Variants in TRIM9 observed in about 807,000 individuals in gnomAD.
The protein encoded by TRIM9 is E3 ubiquitin-protein ligase TRIM9.
A neutral mutation model predicts 78.3 loss-of-function variants in TRIM9; 26 were observed. The ratio of observed to expected loss-of-function variants is 0.33; its 90% CI spans 0.24 to 0.46. TRIM9 has a LOEUF of 0.46. Among genes scored for constraint, TRIM9 ranks in the 20% least tolerant of loss-of-function variants. TRIM9 has a pLI of 1.00. For synonymous variants in TRIM9, 398 were observed against 416.5 expected (o/e 0.96, Z 0.54); for missense variants, 787 against 1,036.4 (o/e 0.76, Z 3.30).
intron 1 of TRIM9, among the ~76,000 whole-genome samples, chr14:51,080,705 G>A (rs1274999505): frequency 6.6e-6 from 1 of 152,080 alleles, no homozygotes; most frequent in Non-Finnish European, 1.5e-5. Context: ...TTGACACCTG[G>A]AAGTGACTTT....
At chr14:51,093,656 G>T (rs2064637953) in intron 1 of TRIM9, among the ~76,000 whole-genome samples, 1 of 152,226 alleles carries the variant, frequency 6.6e-6, no homozygotes, top group Non-Finnish European at 1.5e-5. Context: ...CGCCTATCCA[G>T]CAGCGACAGA....
intron 8 of TRIM9, among the ~76,000 whole-genome samples, chr14:50,983,668 A>T (rs556728225): frequency 1.2e-4 from 19 of 152,336 alleles, no homozygotes; most frequent in South Asian, 2.1e-4. Context: ...TCTGTAGCTG[A>T]ATTTTTCATC....
In TRIM9 at chr14:51,094,713, C is replaced by T; in HGVS notation, c.227G>A (p.Ser76Asn). The T allele has an allele frequency of 6.4e-7, 1 of 1,557,522 alleles. No homozygotes were observed. Among genetic ancestry groups the T allele is most frequent in the Non-Finnish European group, 8.7e-7 (1 of 1,151,400 alleles). Residue 76 changes from serine (S) to asparagine (N), a missense_variant, in exon 1 of 13, where the codon AGC (serine) becomes AAC (asparagine). Ser to Asn is a conservative substitution (Grantham distance 46, BLOSUM62 1). Around this residue, in one of 3 missense-constraint regions of TRIM9, gnomAD observed 352 missense variants for 472.3 expected, o/e 0.75. Transcript: ENST00000684578. ...DKMSLYSEADSGYGSYGGFAS... is the reference protein window; with the variant it reads ...DKMSLYSEADNGYGSYGGFAS... Reference sequence around the variant, plus strand: ...GAACCCCCCGTAGGAGCCATAGCCGCTGTCCGCCTCGCTGTATAGGCTCAT... The same window carrying T: ...GAACCCCCCGTAGGAGCCATAGCCGTTGTCCGCCTCGCTGTATAGGCTCAT...
At chr14:50,999,238 G>A (rs1399756901) in intron 6 of TRIM9, among the ~76,000 whole-genome samples, 7 of 152,058 alleles carry the variant, frequency 4.6e-5, no homozygotes, top group East Asian at 3.9e-4. Context: ...TGGGAAAACC[G>A]GGAGAGTTAC....
At chr14:51,042,712 G>A (rs1168022715) in intron 1 of TRIM9, among the ~76,000 whole-genome samples, 1 of 152,064 alleles carries the variant, frequency 6.6e-6, no homozygotes, top group African/African-American at 2.4e-5. Context: ...TCCCTCTAAG[G>A]TCATGGAGGC....
At chr14:51,027,369 C>T (rs1596211441) in intron 1 of TRIM9, among the ~76,000 whole-genome samples, 11 of 152,068 alleles carry the variant, frequency 7.2e-5, no homozygotes, top group Admixed American at 5.9e-4. Context: ...GTCTCAAACT[C>T]CTGACCTCAG....
rs375724132 is a variant in TRIM9 at position 51,094,826 on chromosome 14, C to T, written c.114G>A (p.Leu38=). 154 of 1,534,936 alleles carry T rather than the reference C, an allele frequency of 1.0e-4. No homozygotes were observed. The highest frequency in any genetic ancestry group is 1.3e-4 in the Non-Finnish European group (147 of 1,146,138). ...NLCQACARNI[L]VQTPESESPQ... ...GGGATTCAGACTCTGGGGTCTGCAC[C>T]AGGATGTTGCGGGCGCACGCCTGAC... is the stretch of plus-strand genomic sequence containing the variant. Residue 38 remains leucine, a synonymous_variant, in exon 1 of 13, where the codon CTG becomes CTA. Coordinates refer to ENST00000684578, the MANE Select transcript of TRIM9 (RefSeq NM_001387360.1).
chr14:50,989,404 T>C (rs1005167600), intron 7 of TRIM9, among the ~76,000 whole-genome samples: 32 of 152,158 alleles, frequency 2.1e-4, no homozygotes, highest in African/African-American at 6.3e-4. Flanking sequence ...TATCACAATA[T>C]GGAGAAGGCT....
chr14:51,053,595 A>AT (rs59227932), intron 1 of TRIM9, among the ~76,000 whole-genome samples: 1,080 of 82,184 alleles, frequency 0.013, 3 homozygotes, highest in South Asian at 0.029. Context: ...TTTTTTTTTA[A>AT]TTTTTTTTTT....
At chr14:51,044,502 C>T (rs2059798476) in intron 1 of TRIM9, among the ~76,000 whole-genome samples, 1 of 152,238 alleles carries the variant, frequency 6.6e-6, no homozygotes, top group Non-Finnish European at 1.5e-5. Context: ...GGTGTTGGTG[C>T]CATTTTGCCC....
chr14:51,044,349 T>C (rs954998654), intron 1 of TRIM9, among the ~76,000 whole-genome samples: 3 of 152,176 alleles, frequency 2.0e-5, no homozygotes, highest in African/African-American at 7.2e-5. Context: ...AACCCATCCC[T>C]ATATTATTCC....
chr14:51,043,829 G>A (rs887246081), intron 1 of TRIM9, among the ~76,000 whole-genome samples: 2 of 144,682 alleles, frequency 1.4e-5, no homozygotes, highest in East Asian at 1.9e-4. Context: ...GTCCTGTTTG[G>A]TTTAACATTT....
chr14:51,070,450 T>C (rs1421918556), intron 1 of TRIM9, among the ~76,000 whole-genome samples: 1 of 152,098 alleles, frequency 6.6e-6, no homozygotes, highest in Non-Finnish European at 1.5e-5. Context: ...GGTGACTTAA[T>C]AGAACATAAC....
At chr14:50,989,850 A>T (rs2053258804) in intron 7 of TRIM9, among the ~76,000 whole-genome samples, 1 of 152,118 alleles carries the variant, frequency 6.6e-6, no homozygotes, top group Non-Finnish European at 1.5e-5. Context: ...CTTCCTCACT[A>T]GGATTGGCTG....
intron 8 of TRIM9, among the ~76,000 whole-genome samples, chr14:50,984,782 T>C (rs2052470817): frequency 2.6e-5 from 4 of 152,194 alleles, no homozygotes; most frequent in Admixed American, 2.6e-4. Context: ...ATCCCAAAAC[T>C]CACATTTCAT....
At chr14:50,982,674 C>G (rs1238417914) in intron 10 of TRIM9, 5 of 469,262 alleles carry the variant, frequency 1.1e-5, no homozygotes, top group African/African-American at 1.9e-5. Context: ...GCATGTAGGA[C>G]AGGTTGCTGT....
intron 1 of TRIM9, among the ~76,000 whole-genome samples, chr14:51,069,887 T>TATTTGCAA (rs1310983820): frequency 6.6e-6 from 1 of 152,260 alleles, no homozygotes; most frequent in Non-Finnish European, 1.5e-5. Flanking sequence ...GTGTATTCTG[T>TATTTGCAA]ATTTGCAAAT....
chr14:51,036,968 A>G (rs1398457639), intron 1 of TRIM9, among the ~76,000 whole-genome samples: 3 of 152,094 alleles, frequency 2.0e-5, no homozygotes, highest in African/African-American at 4.8e-5. Flanking sequence ...ATAGATTTAT[A>G]TTTCCTTTAA....
intron 7 of TRIM9, among the ~76,000 whole-genome samples, chr14:50,986,864 CA>C (rs1477347771): frequency 6.6e-6 from 1 of 152,170 alleles, no homozygotes; most frequent in African/African-American, 2.4e-5. Context: ...GCATTGGTGG[CA>C]AAATATCTGT....
Sources: allele counts gnomAD v4.1 joint callset (sites outside exome capture counted in the v4.1 genomes callset), GRCh38; gene constraint gnomAD v4.1.1; regional missense constraint gnomAD v4.1.1; transcripts MANE v1.5; gene names NCBI Gene and HGNC (gene_info 2026-07-23, HGNC 2026-07-21).